Variants in RABGAP1L observed in about 807,000 individuals in gnomAD.
The protein encoded by RABGAP1L is rab GTPase-activating protein 1-like.
In RABGAP1L, 63 loss-of-function variants were observed where a neutral mutation model predicts 137.7. That is an observed-to-expected ratio of 0.46 (90% CI 0.37 to 0.56). The LOEUF (loss-of-function observed/expected upper bound fraction) is 0.56. Ranked by LOEUF, RABGAP1L falls within the 20% of genes least tolerant of loss-of-function variation. The pLI, the probability that RABGAP1L is intolerant of heterozygous loss-of-function variation, is 0.00. For missense variants in RABGAP1L, 1,095 were observed against 1,244.0 expected (o/e 0.88, Z 1.80); for synonymous variants, 431 against 433.7 (o/e 0.99, Z 0.08).
chr1:174,867,728 C>G (rs530730970), intron 19 of RABGAP1L, among the ~76,000 whole-genome samples: 1 of 152,196 alleles, frequency 6.6e-6, no homozygotes, highest in Non-Finnish European at 1.5e-5. Context: ...TCACTGCAAC[C>G]TCCACCTCCT....
chr1:174,212,824 TAATAA>T (rs1311241774), intron 1 of RABGAP1L, among the ~76,000 whole-genome samples: 3 of 152,022 alleles, frequency 2.0e-5, no homozygotes, highest in South Asian at 2.1e-4. Flanking sequence ...AGATCCAAAT[TAATAA>T]AATAAAATCA....
At chr1:174,952,599 GTTTTA>G (rs1667892813) in intron 19 of RABGAP1L, among the ~76,000 whole-genome samples, 1 of 151,530 alleles carries the variant, frequency 6.6e-6, no homozygotes, top group Non-Finnish European at 1.5e-5. Context: ...TTATTTGTTT[GTTTTA>G]TTTTGAGACA....
At position 174,351,093 on chromosome 1, in the gene RABGAP1L, AG is replaced by A. The variant is rs1174552417; in HGVS notation, c.1466-19881del. Among the ~76,000 whole-genome samples the A allele has an allele frequency of 2.1e-3, 21 of 9,856 alleles. No individual in the cohort carries two copies. The South Asian group carries it at 0.045, about 21-fold the overall frequency. 6.5% of individuals were successfully genotyped at this position (9,856 alleles called of 152,430 possible). A position where few individuals can be genotyped will look rare whatever the true frequency, so the allele number is the denominator to read the frequency against. On this transcript the variant is annotated intron_variant, in intron 11 of 25. Transcript: ENST00000681986. The stretch of plus-strand genomic sequence containing the variant: ...TGGGGGGAGGGGGAGGGGGAGGGGG[AG>A]GGGGAGGGGTTGTTTCTATTTATAT...
At chr1:174,573,332 A>G (rs1668135394) in intron 13 of RABGAP1L, among the ~76,000 whole-genome samples, 1 of 151,920 alleles carries the variant, frequency 6.6e-6, no homozygotes, top group Non-Finnish European at 1.5e-5. Flanking sequence ...GTGTGTATAT[A>G]TATAACTTTT....
chr1:174,817,314 G>A (rs575426773), intron 19 of RABGAP1L, among the ~76,000 whole-genome samples: 1 of 152,294 alleles, frequency 6.6e-6, no homozygotes, highest in African/African-American at 2.4e-5. Context: ...TGCCTGTTGT[G>A]TCCCAGGAAC....
intron 13 of RABGAP1L, among the ~76,000 whole-genome samples, chr1:174,631,981 C>G (rs1673428233): frequency 1.1e-5 from 1 of 92,382 alleles, no homozygotes; most frequent in Non-Finnish European, 2.1e-5. Context: ...GCAGTTTCTT[C>G]CTAGTCTCGA....
chr1:174,541,458 A>C (rs1486890458), intron 13 of RABGAP1L, among the ~76,000 whole-genome samples: 1 of 152,104 alleles, frequency 6.6e-6, no homozygotes, highest in African/African-American at 2.4e-5. Context: ...ATTTTGAGAT[A>C]TGTCCCATCA....
chr1:174,282,108 GTTAA>G (rs992471808), intron 10 of RABGAP1L, among the ~76,000 whole-genome samples: 2 of 152,148 alleles, frequency 1.3e-5, no homozygotes, highest in African/African-American at 4.8e-5. Flanking sequence ...GGTTCATGTG[GTTAA>G]TTAAAGCTGC....
intron 13 of RABGAP1L, among the ~76,000 whole-genome samples, chr1:174,445,296 T>C (rs1474564225): frequency 6.6e-6 from 1 of 152,188 alleles, no homozygotes; most frequent in South Asian, 2.1e-4. Flanking sequence ...TGTTTTAATG[T>C]CCATCAAATA....
chr1:174,329,125 CTAAA>C (rs2148857013), intron 11 of RABGAP1L, among the ~76,000 whole-genome samples: 2 of 149,624 alleles, frequency 1.3e-5, no homozygotes, highest in South Asian at 4.2e-4. Flanking sequence ...ATAAAAGAGA[CTAAA>C]TAAAATTAGA....
intron 19 of RABGAP1L, among the ~76,000 whole-genome samples, chr1:174,866,719 C>G (rs988562659): frequency 6.6e-6 from 1 of 151,946 alleles, no homozygotes; most frequent in African/African-American, 2.4e-5. Flanking sequence ...CGAGACCAGC[C>G]TGGGCAACAT....
At chr1:174,683,058 G>GTTTT (rs35576869) in intron 14 of RABGAP1L, among the ~76,000 whole-genome samples, 5 of 111,628 alleles carry the variant, frequency 4.5e-5, no homozygotes, top group African/African-American at 1.0e-4. Flanking sequence ...TTCTAAAGGG[G>GTTTT]TTTTTTTTTT....
intron 13 of RABGAP1L, among the ~76,000 whole-genome samples, chr1:174,619,381 G>GC (rs1447001372): frequency 6.6e-6 from 1 of 152,202 alleles, no homozygotes; most frequent in Non-Finnish European, 1.5e-5. Context: ...GTTAAGGGCA[G>GC]CCAGAGAGGA....
At chr1:174,426,413 A>T (rs1010065422) in intron 13 of RABGAP1L, among the ~76,000 whole-genome samples, 1 of 152,096 alleles carries the variant, frequency 6.6e-6, no homozygotes, top group African/African-American at 2.4e-5. Flanking sequence ...CATAATATAG[A>T]TATTAGATAA....
At chr1:174,317,111 A>G (rs1171759681) in intron 11 of RABGAP1L, among the ~76,000 whole-genome samples, 2 of 151,982 alleles carry the variant, frequency 1.3e-5, no homozygotes, top group African/African-American at 2.4e-5. Flanking sequence ...ATCAGGGACT[A>G]TAAGAGCCCA....
At chr1:174,645,266 C>A (rs1013271317) in intron 14 of RABGAP1L, among the ~76,000 whole-genome samples, 1 of 151,822 alleles carries the variant, frequency 6.6e-6, no homozygotes, top group East Asian at 1.9e-4. Flanking sequence ...ACTTTAAGTT[C>A]TGGGATATGT....
chr1:174,419,249 G>A (rs950996111), intron 13 of RABGAP1L, among the ~76,000 whole-genome samples: 3 of 152,102 alleles, frequency 2.0e-5, no homozygotes, highest in East Asian at 1.9e-4. Flanking sequence ...AACCACCTGC[G>A]GATCTTGTTA....
intron 13 of RABGAP1L, among the ~76,000 whole-genome samples, chr1:174,607,884 A>G (rs1670902798): frequency 1.3e-5 from 2 of 152,230 alleles, no homozygotes; most frequent in African/African-American, 4.8e-5. Flanking sequence ...TCAGGAAGAT[A>G]GTATTGAGAA....
chr1:174,470,146 A>T (rs1558261575), intron 13 of RABGAP1L, among the ~76,000 whole-genome samples: 1 of 152,134 alleles, frequency 6.6e-6, no homozygotes, highest in Non-Finnish European at 1.5e-5. Flanking sequence ...TTCCAAATGC[A>T]TCTCCCCATC....
Sources: gnomAD v4.1 joint callset for allele counts (sites outside exome capture counted in the v4.1 genomes callset) on GRCh38, gnomAD v4.1.1 for gene constraint, MANE v1.5 for transcripts, NCBI Gene and HGNC (gene_info 2026-07-23, HGNC 2026-07-21) for gene names.